MBD2: variants seen among roughly 807,000 people sequenced by gnomAD.
The protein encoded by MBD2 is methyl-CpG-binding domain protein 2.
In MBD2, 9 loss-of-function variants were observed where a neutral mutation model predicts 39.3. The ratio of observed to expected loss-of-function variants is 0.23; its 90% CI spans 0.14 to 0.40. The LOEUF is 0.40. Ranked by LOEUF, MBD2 falls within the 10% of genes least tolerant of loss-of-function variation. The pLI, the probability that MBD2 is intolerant of heterozygous loss-of-function variation, is 1.00. For missense variants in MBD2, 458 were observed against 532.6 expected (o/e 0.86, Z 1.38); for synonymous variants, 233 against 211.1 (o/e 1.10, Z -0.90).
At chr18:54,166,282 T>C (rs1462611547) in intron 3 of MBD2, 116 bp from the exon 4 acceptor site, 2 of 663,076 alleles carry the variant, frequency 3.0e-6, no homozygotes, top group Non-Finnish European at 5.3e-6. Flanking sequence ...AATTTCCTCA[T>C]TTTTTCCTTA....
chr18:54,220,071 G>C (rs2086597333), intron 1 of MBD2, among the ~76,000 whole-genome samples: 1 of 152,198 alleles, frequency 6.6e-6, no homozygotes, highest in African/African-American at 2.4e-5. Flanking sequence ...AAAGTGCTGG[G>C]ATTACAGGCG....
intron 2 of MBD2, among the ~76,000 whole-genome samples, chr18:54,199,688 CTT>C (rs1490083214): frequency 2.0e-5 from 3 of 152,174 alleles, no homozygotes; most frequent in African/African-American, 7.2e-5. Flanking sequence ...CATCCATTCT[CTT>C]TGTGTAACCA....
chr18:54,224,524 C>G lies in MBD2; in HGVS notation c.36G>C (p.Pro12=). 8.1e-7 allele frequency: 1 copy of G among 1,232,368 alleles called. No homozygotes were observed. The highest frequency in any genetic ancestry group is 1.6e-5 in the African/African-American group (1 of 64,128). The allele number at this position is 1,232,368 out of a possible 1,614,324, so 76.3% of individuals were successfully genotyped here. ...RAHPGGGRCC[P]EQEEGESAAG... is the part of the protein sequence containing the mutation. ...CCGCACTCTCCCCCTCCTCCTGCTCCGGGCAGCAGCGGCCTCCCCCCGGGT... is the reference window on the plus strand; with the variant it reads ...CCGCACTCTCCCCCTCCTCCTGCTCGGGGCAGCAGCGGCCTCCCCCCGGGT... Residue 12 remains proline (P), a synonymous_variant, in exon 1 of 7, where the codon CCG becomes CCC. Transcript: ENST00000256429.
intron 1 of MBD2, among the ~76,000 whole-genome samples, chr18:54,215,489 A>ATTTTTTT (rs1322093635): frequency 5.0e-5 from 7 of 139,274 alleles, no homozygotes; most frequent in African/African-American, 1.9e-4. Flanking sequence ...CTGAGGATAG[A>ATTTTTTT]TTTTTTTTTT....
chr18:54,183,393 C>T (rs2086263811), intron 3 of MBD2, among the ~76,000 whole-genome samples: 1 of 151,908 alleles, frequency 6.6e-6, no homozygotes, highest in South Asian at 2.1e-4. Flanking sequence ...TAGTATTCCC[C>T]GGGAAACCTC....
At chr18:54,214,653 C>A (rs2086540515) in intron 1 of MBD2, among the ~76,000 whole-genome samples, 1 of 152,018 alleles carries the variant, frequency 6.6e-6, no homozygotes, top group East Asian at 1.9e-4. Flanking sequence ...GAGAAAGGAG[C>A]TAACATTTTA....
chr18:54,171,496 C>A (rs1294760735), intron 3 of MBD2, among the ~76,000 whole-genome samples: 1 of 151,990 alleles, frequency 6.6e-6, no homozygotes, highest in Non-Finnish European at 1.5e-5. Context: ...ATTATTCCAT[C>A]CTCTTCCTTG....
chr18:54,187,363 A>G (rs1285057954), intron 3 of MBD2, among the ~76,000 whole-genome samples: 1 of 152,214 alleles, frequency 6.6e-6, no homozygotes, highest in Non-Finnish European at 1.5e-5. Context: ...ACCCAATTAT[A>G]TACTTTCAAA....
At chr18:54,211,500 T>A (rs995812215) in intron 1 of MBD2, among the ~76,000 whole-genome samples, 5 of 152,084 alleles carry the variant, frequency 3.3e-5, no homozygotes, top group African/African-American at 1.2e-4. Context: ...TCTTTAAATG[T>A]AGGCCTTTCC....
rs1027816453 is a variant in MBD2, at chr18:54,224,609, G to C, written c.-50C>G. Reference sequence around the variant, plus strand: ...GCGCTTCTTCCGTAACCGAGCCCTTGGAATCCCGGAGACCCGCCCCGCCCG... The same window carrying C: ...GCGCTTCTTCCGTAACCGAGCCCTTCGAATCCCGGAGACCCGCCCCGCCCG... On this transcript the variant is annotated 5_prime_UTR_variant, in exon 1 of 7. Coordinates refer to ENST00000256429, the MANE Select transcript of MBD2 (RefSeq NM_003927.5). 4 of 1,202,966 alleles carry C rather than the reference G, an allele frequency of 3.3e-6. No individual in the cohort carries two copies. The highest frequency in any genetic ancestry group is 4.2e-6 in the Non-Finnish European group (4 of 962,678). 74.5% of individuals were successfully genotyped at this position (1,202,966 alleles called of 1,614,324 possible). A position where few individuals can be genotyped will look rare whatever the true frequency, so the allele number is the denominator to read the frequency against.
chr18:54,194,385 T>C (rs2086348089), intron 2 of MBD2, among the ~76,000 whole-genome samples: 1 of 152,064 alleles, frequency 6.6e-6, no homozygotes. Context: ...ATTTTAAACC[T>C]GATAATCTTT....
At chr18:54,218,620 C>CAATG (rs2086582136) in intron 1 of MBD2, among the ~76,000 whole-genome samples, 1 of 151,988 alleles carries the variant, frequency 6.6e-6, no homozygotes, top group African/African-American at 2.4e-5. Context: ...TGCTAACTCC[C>CAATG]AATCTGTAAA....
intron 2 of MBD2, among the ~76,000 whole-genome samples, chr18:54,204,768 C>T (rs145464637): frequency 7.2e-5 from 11 of 152,216 alleles, no homozygotes; most frequent in African/African-American, 2.6e-4. Flanking sequence ...GTAAACAGCC[C>T]CAGTGGGTCA....
intron 3 of MBD2, among the ~76,000 whole-genome samples, chr18:54,170,660 C>A (rs918158169): frequency 6.6e-6 from 1 of 152,268 alleles, no homozygotes; most frequent in East Asian, 1.9e-4. Context: ...TTTTCTTGCA[C>A]TGGGGATGCT....
At chr18:54,177,423 T>A (rs1202491109) in intron 3 of MBD2, among the ~76,000 whole-genome samples, 1 of 152,094 alleles carries the variant, frequency 6.6e-6, no homozygotes, top group African/African-American at 2.4e-5. Flanking sequence ...TAGTTCTTTA[T>A]AAGAAGATGT....
At chr18:54,220,007 T>C (rs1029170062) in intron 1 of MBD2, among the ~76,000 whole-genome samples, 2 of 152,152 alleles carry the variant, frequency 1.3e-5, no homozygotes, top group Middle Eastern at 3.2e-3. Context: ...TTCATCATGT[T>C]AGCCAGAATG....
rs1599068644 is a variant in MBD2 at position 54,151,644 on chromosome 18, T to C, written c.*3680A>G. The C allele has an allele frequency of 6.6e-6, 1 of 152,244 alleles. No individual in the cohort carries two copies. The highest frequency in any genetic ancestry group is 2.1e-4 in the South Asian group (1 of 4,830). 9.4% of individuals were successfully genotyped at this position (152,244 alleles called of 1,614,324 possible). On this transcript the variant is annotated 3_prime_UTR_variant, in exon 7 of 7. Coordinates refer to ENST00000256429, the MANE Select transcript of MBD2 (RefSeq NM_003927.5). ...AAATTTATTGCTGTACATTTTCTCA[T>C]AGCATTTACTATGGAAATACTAATA...
chr18:54,176,059 G>A (rs1456284140), intron 3 of MBD2, among the ~76,000 whole-genome samples: 1 of 152,176 alleles, frequency 6.6e-6, no homozygotes, highest in African/African-American at 2.4e-5. Context: ...AGAAGCAAAA[G>A]TTACCTTAAA....
At chr18:54,193,199 T>C (rs2086335440) in intron 2 of MBD2, among the ~76,000 whole-genome samples, 1 of 152,192 alleles carries the variant, frequency 6.6e-6, no homozygotes, top group Admixed American at 6.5e-5. Context: ...TTTTCTACAG[T>C]TTAGTTTAGA....
Sources: allele counts gnomAD v4.1 joint callset (sites outside exome capture counted in the v4.1 genomes callset), GRCh38; gene constraint gnomAD v4.1.1; transcripts MANE v1.5; gene names NCBI Gene and HGNC (gene_info 2026-07-23, HGNC 2026-07-21).